The following PKNOX2 variants were observed in gnomAD, a reference collection of about 807,000 sequenced individuals.
The protein encoded by PKNOX2 is homeobox protein PKNOX2.
Under a neutral mutation model 53.1 loss-of-function variants are expected in PKNOX2, and 14 were observed. The observed-to-expected ratio is 0.26, with a 90% CI of 0.17 to 0.41. The LOEUF (loss-of-function observed/expected upper bound fraction) is 0.41, where lower values mean the gene tolerates loss of function less well. Ranked by LOEUF, PKNOX2 falls within the 10% of genes least tolerant of loss-of-function variation. The pLI is 1.00. For missense variants in PKNOX2, 496 were observed against 602.8 expected (o/e 0.82, Z 1.85); for synonymous variants, 257 against 242.8 (o/e 1.06, Z -0.54).
intron 2 of PKNOX2, among the ~76,000 whole-genome samples, chr11:125,309,237 C>T (rs1412972595): frequency 6.7e-6 from 1 of 148,936 alleles, no homozygotes; most frequent in East Asian, 2.0e-4. Context: ...TTCCTTCCTT[C>T]CTCTCTTTCT....
chr11:125,333,921 A>T (rs1479408727), intron 3 of PKNOX2, among the ~76,000 whole-genome samples: 1 of 152,196 alleles, frequency 6.6e-6, no homozygotes, highest in Admixed American at 6.5e-5. Context: ...CAATTTAAAA[A>T]TAAGTCTCGT....
intron 10 of PKNOX2, among the ~76,000 whole-genome samples, chr11:125,415,450 C>T (rs776984838): frequency 4.9e-4 from 75 of 152,080 alleles, no homozygotes; most frequent in Admixed American, 1.4e-3. Flanking sequence ...GGGGTTTTAC[C>T]ATGTTGCCCA....
rs185534438 is a variant in PKNOX2, at chr11:125,279,660, C to T, written c.-130+44545C>T. 1.6e-3 allele frequency among the ~76,000 whole-genome samples: 239 copies of T among 152,236 alleles called. 1 individual carries two copies. Among genetic ancestry groups the T allele is most frequent in the Admixed American group, 0.012 (181 of 15,292 alleles). On this transcript the variant is annotated intron_variant, in intron 2 of 12. Transcript: ENST00000298282. ...GTGGAACGCAGGGGAGTCCTGGCCCCGACTCCTAGGCCAACAGCCAGGTAC... is the reference window on the plus strand; with the variant it reads ...GTGGAACGCAGGGGAGTCCTGGCCCTGACTCCTAGGCCAACAGCCAGGTAC...
intron 2 of PKNOX2, among the ~76,000 whole-genome samples, chr11:125,302,163 T>C (rs1168222771): frequency 2.0e-5 from 3 of 151,980 alleles, no homozygotes; most frequent in East Asian, 3.9e-4. Flanking sequence ...GGGTGGGGCC[T>C]GGAAGGATGA....
intron 7 of PKNOX2, among the ~76,000 whole-genome samples, chr11:125,402,936 G>GAGA (rs1184817375): frequency 1.1e-4 from 16 of 152,216 alleles, no homozygotes; most frequent in African/African-American, 3.9e-4. Flanking sequence ...ATTGTGATTG[G>GAGA]AGAAGTTACA....
rs182851243 is a variant in PKNOX2 at position 125,181,923 on chromosome 11, G to A, written c.-201+17147G>A. ...GACTTCCTTTCTCTGTCCACCTCCC[G>A]AAATTCCCAGTTCAACCCAGACTGG... On this transcript the variant is annotated intron_variant, in intron 1 of 12. Transcript: ENST00000298282. 2.6e-3 allele frequency among the ~76,000 whole-genome samples: 395 copies of A among 152,134 alleles called. 2 individuals are homozygous for A. The highest frequency in any genetic ancestry group is 4.1e-3 in the Non-Finnish European group (280 of 68,004).
In PKNOX2 at chr11:125,431,441, C is replaced by G; in HGVS notation, c.*49C>G. On this transcript the variant is annotated 3_prime_UTR_variant, in exon 13 of 13. Coordinates refer to ENST00000298282, the MANE Select transcript of PKNOX2 (RefSeq NM_001382323.2). ...TCACTGAGCAGGAGAGGAGTGTCGC[C>G]GGGAGGCCTTCAGGGTGGGGGGGAA... The G allele has an allele frequency of 2.9e-6, 2 of 687,692 alleles. No homozygotes were observed. The highest frequency in any genetic ancestry group is 3.8e-6 in the Non-Finnish European group (2 of 533,190). The allele number at this position is 687,692 out of a possible 1,614,324, so 42.6% of individuals were successfully genotyped here.
At chr11:125,248,895 A>T (rs1943773331) in intron 2 of PKNOX2, among the ~76,000 whole-genome samples, 1 of 131,498 alleles carries the variant, frequency 7.6e-6, no homozygotes, top group African/African-American at 2.8e-5. Context: ...AACATATATA[A>T]TATATATAAC....
At chr11:125,329,936 G>A (rs767558199) in intron 2 of PKNOX2, among the ~76,000 whole-genome samples, 2 of 152,202 alleles carry the variant, frequency 1.3e-5, no homozygotes, top group South Asian at 2.1e-4. Context: ...TCTGGAGGAC[G>A]TGGTGCCACA....
chr11:125,390,316 C>A (rs1565514071), intron 6 of PKNOX2, among the ~76,000 whole-genome samples: 1 of 152,194 alleles, frequency 6.6e-6, no homozygotes, highest in Non-Finnish European at 1.5e-5. Flanking sequence ...TGGTCCATGG[C>A]CCAGGCAGGA....
chr11:125,253,410 A>G (rs992033260), intron 2 of PKNOX2, among the ~76,000 whole-genome samples: 2 of 152,112 alleles, frequency 1.3e-5, no homozygotes, highest in Non-Finnish European at 2.9e-5. Context: ...CCTGCTGGCC[A>G]GAGCCTGTTT....
At chr11:125,220,553 T>C (rs953147855) in intron 1 of PKNOX2, among the ~76,000 whole-genome samples, 1 of 152,002 alleles carries the variant, frequency 6.6e-6, no homozygotes, top group African/African-American at 2.4e-5. Flanking sequence ...CATTGTGAGA[T>C]GGGAAGGCCG....
intron 2 of PKNOX2, among the ~76,000 whole-genome samples, chr11:125,321,295 C>T (rs913279994): frequency 6.6e-6 from 1 of 152,174 alleles, no homozygotes; most frequent in African/African-American, 2.4e-5. Flanking sequence ...AATCATCCCT[C>T]GGTATCTGTG....
At chr11:125,195,883 G>GCACA (rs56021315) in intron 1 of PKNOX2, among the ~76,000 whole-genome samples, 6,717 of 143,792 alleles carry the variant, frequency 0.047, 163 homozygotes, top group Middle Eastern at 0.056. Context: ...ATATGTACAT[G>GCACA]CACACACACA....
At chr11:125,382,175 C>T (rs1243218271) in intron 5 of PKNOX2, among the ~76,000 whole-genome samples, 2 of 152,224 alleles carry the variant, frequency 1.3e-5, no homozygotes, top group South Asian at 2.1e-4. Context: ...AATCAGCACC[C>T]CAGTTACATA....
intron 7 of PKNOX2, among the ~76,000 whole-genome samples, chr11:125,409,394 G>A (rs1375036391): frequency 6.6e-6 from 1 of 152,214 alleles, no homozygotes; most frequent in African/African-American, 2.4e-5. Context: ...GCAGTGTGGG[G>A]AGAGGAGAGT....
At chr11:125,253,030 T>C (rs1944125500) in intron 2 of PKNOX2, among the ~76,000 whole-genome samples, 1 of 152,196 alleles carries the variant, frequency 6.6e-6, no homozygotes, top group African/African-American at 2.4e-5. Context: ...GGAGTTGTCA[T>C]TGCACAGTCA....
In PKNOX2 at chr11:125,235,105, G is replaced by T. The variant is rs1461937824; in HGVS notation, c.-140G>T. 6.6e-6 allele frequency: 1 copy of T among 152,642 alleles called. No homozygotes were observed. The highest frequency in any genetic ancestry group is 2.4e-5 in the African/African-American group (1 of 41,442). The allele number at this position is 152,642 out of a possible 1,614,324, so 9.5% of individuals were successfully genotyped here. On this transcript the variant is annotated 5_prime_UTR_variant, in exon 2 of 13. Transcript: ENST00000298282. ...CCTCCATGCTGCTCACTAGAAAAGG[G>T]GCTGTGAACTGTAAGTAACTTTGAT...
intron 2 of PKNOX2, among the ~76,000 whole-genome samples, chr11:125,270,421 G>T (rs953351413): frequency 2.0e-5 from 3 of 152,084 alleles, no homozygotes; most frequent in African/African-American, 7.2e-5. Flanking sequence ...CAGACCTGGG[G>T]CTGAAGCCTT....
Sources: gnomAD v4.1 joint callset for allele counts (sites outside exome capture counted in the v4.1 genomes callset) on GRCh38, gnomAD v4.1.1 for gene constraint, MANE v1.5 for transcripts, NCBI Gene and HGNC (gene_info 2026-07-23, HGNC 2026-07-21) for gene names.